Variants in SOD2 observed in about 807,000 individuals in gnomAD.
SOD2 encodes superoxide dismutase 2, also known as superoxide dismutase [Mn], mitochondrial.
SOD2 carries 11 observed loss-of-function variants against 27.0 expected under a neutral mutation model. The ratio of observed to expected loss-of-function variants is 0.41; its 90% CI spans 0.26 to 0.67. SOD2 has a LOEUF of 0.67. SOD2 is among the 30% of genes least tolerant of loss of function. The pLI, the probability that SOD2 is intolerant of heterozygous loss-of-function variation, is 0.34. For missense variants in SOD2, 250 were observed against 274.5 expected (o/e 0.91, Z 0.63); for synonymous variants, 105 against 103.0 (o/e 1.02, Z -0.12).
chr6:159,720,586 G>T, intron 1 of SOD2: 1 of 152,438 alleles, frequency 6.6e-6, no homozygotes, highest in South Asian at 2.0e-4. Context: ...TTGAAATGGT[G>T]ACTTGAAGCT....
chr6:159,761,424 C>G, exon 1 of SOD2: 1 of 426,354 alleles, frequency 2.3e-6, no homozygotes, highest in Non-Finnish European at 4.7e-6. Context: ...GCGTCCTCAC[C>G]CGTTCACAGC....
intron 2 of SOD2, among the ~76,000 whole-genome samples, chr6:159,689,830 C>T (rs1462727622): frequency 3.3e-5 from 5 of 151,944 alleles, no homozygotes; most frequent in African/African-American, 4.8e-5. Context: ...TATGGTGGCG[C>T]GTGCCTATAA....
intron 2 of SOD2, 65 bp downstream of exon 2, chr6:159,692,596 G>A: frequency 1.3e-6 from 2 of 1,598,872 alleles, no homozygotes; most frequent in Non-Finnish European, 8.5e-7. Flanking sequence ...CCGTCCGTAT[G>A]GGGCCTGGCT....
At chr6:159,687,102 A>C (rs940024658) in intron 3 of SOD2, among the ~76,000 whole-genome samples, 1 of 152,192 alleles carries the variant, frequency 6.6e-6, no homozygotes, top group Non-Finnish European at 1.5e-5. Flanking sequence ...TCTCAAAACA[A>C]CACCATTGTT....
At chr6:159,731,927 G>C (rs1415879221), upstream of SOD2, among the ~76,000 whole-genome samples, 2 of 152,076 alleles carry the variant, frequency 1.3e-5, no homozygotes, top group Non-Finnish European at 2.9e-5. Flanking sequence ...TAAGCTTACT[G>C]TTAATTTTAT....
intron 1 of SOD2, among the ~76,000 whole-genome samples, chr6:159,751,121 A>G (rs191180562): frequency 2.0e-5 from 3 of 152,160 alleles, no homozygotes; most frequent in African/African-American, 7.2e-5. Flanking sequence ...AATTTTAAAA[A>G]ATTATTTCAA....
At chr6:159,750,568 G>A (rs1779781106) in intron 1 of SOD2, among the ~76,000 whole-genome samples, 2 of 152,056 alleles carry the variant, frequency 1.3e-5, no homozygotes, top group South Asian at 4.1e-4. Context: ...GTTATTTTAT[G>A]TATATTGTTT....
At chr6:159,731,575 A>G (rs141834818), upstream of SOD2, among the ~76,000 whole-genome samples, 15 of 152,382 alleles carry the variant, frequency 9.8e-5, no homozygotes, top group East Asian at 2.9e-3. Flanking sequence ...TCGGGAGGAC[A>G]GTATGATTAT....
At chr6:159,713,705 C>T (rs377197334) in intron 1 of SOD2, 57 of 894,814 alleles carry the variant, frequency 6.4e-5, no homozygotes, top group East Asian at 4.3e-4. Context: ...CTGTGTGCTT[C>T]GATACCCAAT....
chr6:159,762,022 G>A (rs772368397), exon 1 of SOD2: 1 of 1,586,050 alleles, frequency 6.3e-7, no homozygotes, highest in Admixed American at 1.7e-5. Context: ...CAGGCCTGTG[G>A]GCTGCGAGGA....
rs533430332 is a variant in SOD2 at position 159,712,064 on chromosome 6, ACTCGGCTGCTCAGACCT to A, written c.-116+15048_-116+15064del. ...CTCCATAACCACCTCCATAACCACC[ACTCGGCTGCTCAGACCT>A]CCATAACCACCTCCATAACCACCAC... is the stretch of plus-strand genomic sequence containing the variant. On this transcript the variant is annotated intron_variant, in intron 1 of 2. Coordinates refer to the SOD2 transcript ENST00000401980. Among the ~76,000 whole-genome samples the A allele has an allele frequency of 8.1e-4, 16 of 19,848 alleles. 1 individual carries two copies. Among genetic ancestry groups the A allele is most frequent in the African/African-American group, 2.6e-3 (16 of 6,080 alleles). The allele number at this position is 19,848 out of a possible 152,430, so 13.0% of individuals were successfully genotyped here. A position where few individuals can be genotyped will look rare whatever the true frequency, so the allele number is the denominator to read the frequency against.
chr6:159,761,699 T>C, exon 1 of SOD2: 1 of 381,306 alleles, frequency 2.6e-6, no homozygotes, highest in Non-Finnish European at 5.2e-6. Flanking sequence ...CCCTAAGATT[T>C]TTTAAAAAAA....
chr6:159,720,047 G>C (rs1173752404), intron 1 of SOD2, among the ~76,000 whole-genome samples: 3 of 144,002 alleles, frequency 2.1e-5, no homozygotes, highest in Non-Finnish European at 3.0e-5. Flanking sequence ...TTTTTGGTGG[G>C]GGGGACAGAG....
At chr6:159,756,820 C>T (rs1342434013) in intron 1 of SOD2, among the ~76,000 whole-genome samples, 1 of 152,042 alleles carries the variant, frequency 6.6e-6, no homozygotes, top group Non-Finnish European at 1.5e-5. Context: ...CACAGGCTGG[C>T]CTCAAACTCC....
intron 4 of SOD2, 31 bp downstream of exon 4, chr6:159,684,823 C>A: frequency 6.4e-7 from 1 of 1,566,276 alleles, no homozygotes; most frequent in South Asian, 1.1e-5. Flanking sequence ...GAGCATCTCT[C>A]CCAAATGAAA....
chr6:159,723,178 C>A (rs905505093), intron 1 of SOD2, among the ~76,000 whole-genome samples: 1 of 152,352 alleles, frequency 6.6e-6, no homozygotes, highest in South Asian at 2.1e-4. Context: ...TCTCAATCGA[C>A]TTTGCTTTTC....
At chr6:159,737,082 C>G (rs1014973892) in intron 1 of SOD2, among the ~76,000 whole-genome samples, 1 of 152,196 alleles carries the variant, frequency 6.6e-6, no homozygotes, top group Non-Finnish European at 1.5e-5. Flanking sequence ...GGGTCTTGCT[C>G]TCTTGCCCAG....
intron 3 of SOD2, among the ~76,000 whole-genome samples, chr6:159,686,541 G>A (rs931422760): frequency 1.7e-4 from 26 of 152,062 alleles, no homozygotes; most frequent in Non-Finnish European, 3.4e-4. Flanking sequence ...CCAGCTACTC[G>A]GGAGGCTGAG....
chr6:159,749,912 C>CT (rs1049508841), upstream of SOD2, among the ~76,000 whole-genome samples: 33 of 152,250 alleles, frequency 2.2e-4, no homozygotes, highest in Admixed American at 1.8e-3. Context: ...ATAATGGAGT[C>CT]TAAGATGAGT....
Sources: gnomAD v4.1 joint callset for allele counts (sites outside exome capture counted in the v4.1 genomes callset) on GRCh38, gnomAD v4.1.1 for gene constraint, MANE v1.5 for transcripts, NCBI Gene and HGNC (gene_info 2026-07-23, HGNC 2026-07-21) for gene names.